SYT1: variants seen among roughly 807,000 people sequenced by gnomAD.
The protein encoded by SYT1 is synaptotagmin-1.
A neutral mutation model predicts 44.8 loss-of-function variants in SYT1; 8 were observed. The ratio of observed to expected loss-of-function variants is 0.18; its 90% CI spans 0.10 to 0.32. The LOEUF (loss-of-function observed/expected upper bound fraction) is 0.32, where lower values mean the gene tolerates loss of function less well. SYT1 is among the 10% of genes least tolerant of loss of function. SYT1 has a pLI of 1.00. For synonymous variants in SYT1, 154 were observed against 188.8 expected, an observed-to-expected ratio of 0.82 and a Z score of 1.51; for missense variants, 286 against 509.3, an observed-to-expected ratio of 0.56 and a Z score of 4.22.
rs1874321748 is a variant in SYT1 at position 78,879,065 on chromosome 12, A to G, written c.-217+13956A>G. On this transcript the variant is annotated intron_variant, in intron 1 of 10. Transcript: ENST00000261205. ...TCACGTGGCTCCTAATTACAAGGAT[A>G]TAGGAAGTATAACACACCCATTCCC... Among the ~76,000 whole-genome samples the G allele has an allele frequency of 5.3e-5, 8 of 151,708 alleles. No individual in the cohort carries two copies. The Admixed American group carries it at 5.3e-4, about 10-fold the overall frequency.
chr12:78,984,006 G>A (rs947454105), intron 2 of SYT1, among the ~76,000 whole-genome samples: 1 of 151,582 alleles, frequency 6.6e-6, no homozygotes, highest in African/African-American at 2.4e-5. Context: ...AAGAATAATA[G>A]TTTTCAGACC....
intron 1 of SYT1, among the ~76,000 whole-genome samples, chr12:78,962,497 A>G (rs1201754017): frequency 6.6e-6 from 1 of 152,152 alleles, no homozygotes; most frequent in Non-Finnish European, 1.5e-5. Context: ...ACCTAATTAC[A>G]TCAACCAAGT....
chr12:79,445,990 C>CATATAT (rs59721146), intron 10 of SYT1, among the ~76,000 whole-genome samples: 1,245 of 44,074 alleles, frequency 0.028, 61 homozygotes, highest in Middle Eastern at 0.053. Flanking sequence ...AATCCAAAGA[C>CATATAT]ATATATATAT....
At chr12:79,398,327 C>T (rs1190850777) in intron 9 of SYT1, among the ~76,000 whole-genome samples, 1 of 152,170 alleles carries the variant, frequency 6.6e-6, no homozygotes, top group African/African-American at 2.4e-5. Context: ...TAATAATTGA[C>T]TTGGCTTTTA....
chr12:79,019,163 C>T (rs73148240), intron 2 of SYT1, among the ~76,000 whole-genome samples: 16,879 of 151,888 alleles, frequency 0.11, 1,255 homozygotes, highest in Non-Finnish European at 0.17. Context: ...GATTTGCTGG[C>T]TATGGTCTGA....
chr12:79,049,910 T>G (rs1165808040), intron 3 of SYT1, among the ~76,000 whole-genome samples: 1 of 151,904 alleles, frequency 6.6e-6, no homozygotes, highest in Non-Finnish European at 1.5e-5. Context: ...TTACAAAAGG[T>G]TTTTGTGCTT....
chr12:79,245,272 T>C lies in SYT1; in HGVS notation c.166+27587T>C, dbSNP rs190585870. On this transcript the variant is annotated intron_variant, in intron 4 of 10. Coordinates refer to ENST00000261205, the MANE Select transcript of SYT1 (RefSeq NM_005639.3). ...CGAGGTGAGGAGATCCTGACCATCC[T>C]GGCTAACACACGGTGAAACCCCGTC... Among the ~76,000 whole-genome samples the C allele has an allele frequency of 7.8e-5, 11 of 140,992 alleles. No homozygotes were observed. The East Asian group carries it at 2.1e-3, about 27-fold the overall frequency. The allele number at this position is 140,992 out of a possible 152,430, so 92.5% of individuals were successfully genotyped here.
At chr12:78,960,725 GA>G (rs1879457395) in intron 1 of SYT1, 1 of 152,084 alleles carries the variant, frequency 6.6e-6, no homozygotes, top group African/African-American at 2.4e-5. Context: ...CTGGAATATG[GA>G]ACACTTTTGA....
chr12:79,135,517 G>A (rs1336755933), intron 3 of SYT1, among the ~76,000 whole-genome samples: 1 of 151,998 alleles, frequency 6.6e-6, no homozygotes, highest in Non-Finnish European at 1.5e-5. Context: ...TTCATTATTG[G>A]TGTCCCTGAC....
chr12:79,108,945 C>T (rs1322600881), intron 3 of SYT1, among the ~76,000 whole-genome samples: 2 of 152,048 alleles, frequency 1.3e-5, no homozygotes, highest in Non-Finnish European at 2.9e-5. Context: ...AGTAACGTTG[C>T]GGGAACTTTT....
intron 3 of SYT1, among the ~76,000 whole-genome samples, chr12:79,121,624 T>C (rs1241442432): frequency 6.6e-6 from 1 of 152,120 alleles, no homozygotes; most frequent in Non-Finnish European, 1.5e-5. Context: ...GCCCATTTCT[T>C]AGTGTGGGTA....
Position 79,226,857 on chromosome 12 carries a change from G to A in SYT1, c.166+9172G>A, listed in dbSNP as rs561828575. Among the ~76,000 whole-genome samples, 3 of 152,174 alleles carry A rather than the reference G, an allele frequency of 2.0e-5. No individual in the cohort carries two copies. The South Asian group carries it at 6.2e-4, about 32-fold the overall frequency. On this transcript the variant is annotated intron_variant, in intron 4 of 10. Transcript: ENST00000261205. The stretch of plus-strand genomic sequence containing the variant: ...TTCTAATAGGATTTATATGCAGGAG[G>A]CAATACTAAACAAAAATAAAACACA...
chr12:79,158,520 A>G (rs1870744719), intron 3 of SYT1, among the ~76,000 whole-genome samples: 1 of 152,116 alleles, frequency 6.6e-6, no homozygotes. Context: ...CATGGCCTGT[A>G]GTTTGGGGAC....
At chr12:79,330,592 G>T (rs1400097190) in intron 8 of SYT1, among the ~76,000 whole-genome samples, 7 of 152,132 alleles carry the variant, frequency 4.6e-5, no homozygotes, top group Admixed American at 4.6e-4. Context: ...CTATATTTCA[G>T]GGCTGTGAAG....
intron 3 of SYT1, among the ~76,000 whole-genome samples, chr12:79,048,448 A>G (rs191061960): frequency 2.0e-5 from 3 of 151,962 alleles, no homozygotes; most frequent in Non-Finnish European, 3.0e-5. Context: ...TATCTGAAAT[A>G]TATTTTATTT....
intron 2 of SYT1, among the ~76,000 whole-genome samples, chr12:79,026,702 T>TATATATATATATATATATATAAA (rs34140383): frequency 8.0e-6 from 1 of 125,328 alleles, no homozygotes; most frequent in African/African-American, 3.0e-5. Context: ...TATATATATA[T>TATATATATATATATATATATAAA]CACACTTTCA....
chr12:79,214,713 C>T (rs1874671765), intron 3 of SYT1, among the ~76,000 whole-genome samples: 1 of 152,116 alleles, frequency 6.6e-6, no homozygotes, highest in Admixed American at 6.5e-5. Context: ...AAAAATTAAG[C>T]AGAAACATAG....
intron 3 of SYT1, among the ~76,000 whole-genome samples, chr12:79,186,753 G>C (rs1872824628): frequency 6.6e-6 from 1 of 152,002 alleles, no homozygotes; most frequent in South Asian, 2.1e-4. Flanking sequence ...GTCATCTTCT[G>C]AGTAGTAGAC....
intron 9 of SYT1, among the ~76,000 whole-genome samples, chr12:79,375,330 A>G (rs1053341747): frequency 9.2e-5 from 14 of 152,192 alleles, no homozygotes; most frequent in African/African-American, 3.1e-4. Flanking sequence ...GCAAAGGGAT[A>G]GGCCAAAAGG....
Sources: gnomAD v4.1 joint callset for allele counts (sites outside exome capture counted in the v4.1 genomes callset) on GRCh38, gnomAD v4.1.1 for gene constraint, MANE v1.5 for transcripts, NCBI Gene and HGNC (gene_info 2026-07-23, HGNC 2026-07-21) for gene names.